Variants in NBAS observed in about 807,000 individuals in gnomAD.
The protein encoded by NBAS is NBAS subunit of NRZ tethering complex, also known as NAG/BC035112 fusion.
NBAS carries 219 observed loss-of-function variants against 302.5 expected under a neutral mutation model. The ratio of observed to expected loss-of-function variants is 0.72; its 90% confidence interval spans 0.65 to 0.81. NBAS has a LOEUF of 0.81. Among genes scored for constraint, NBAS ranks in the 30% least tolerant of loss-of-function variants. The probability of loss-of-function intolerance (pLI) is 0.00; values close to 1 mark genes in which losing one functional copy is unlikely to be tolerated. For synonymous variants in NBAS, 1,118 were observed against 1,021.6 expected (o/e 1.09, Z -1.80); for missense variants, 2,932 against 2,841.6 (o/e 1.03, Z -0.72).
chr2:15,264,046 T>C (rs560454313), intron 44 of NBAS, among the ~76,000 whole-genome samples: 4 of 152,248 alleles, frequency 2.6e-5, no homozygotes, highest in African/African-American at 9.6e-5. Context: ...GAAAGGTACT[T>C]AAATGAGAGG....
At chr2:15,139,976 C>T in the NBAS span, among the ~76,000 whole-genome samples, 45 of 152,280 alleles carry the variant, frequency 3.0e-4, no homozygotes, top group Non-Finnish European at 3.7e-4. Context: ...TTTCCCTCCC[C>T]ATAAATGTGG....
At chr2:15,156,628 C>T in the NBAS span, among the ~76,000 whole-genome samples, 5 of 152,262 alleles carry the variant, frequency 3.3e-5, no homozygotes, top group East Asian at 9.7e-4. Context: ...GCTCCATTCA[C>T]GTGACCTAAC....
chr2:14,906,182 C>T, the NBAS span, among the ~76,000 whole-genome samples: 333 of 152,244 alleles, frequency 2.2e-3, 2 homozygotes, highest in African/African-American at 7.5e-3. Flanking sequence ...CAGCAGCCAC[C>T]GCCACAGCAG....
At chr2:15,123,488 C>T in the NBAS span, among the ~76,000 whole-genome samples, 29 of 152,232 alleles carry the variant, frequency 1.9e-4, no homozygotes, top group East Asian at 5.4e-3. Context: ...ACTAAAGGAA[C>T]ATTTGTGGTT....
intron 47 of NBAS, among the ~76,000 whole-genome samples, chr2:15,222,809 G>A (rs185468995): frequency 1.7e-4 from 26 of 152,280 alleles, no homozygotes; most frequent in Middle Eastern, 3.4e-3. Flanking sequence ...AGAACAGTGT[G>A]GCAGTGGATT....
the NBAS span, among the ~76,000 whole-genome samples, chr2:14,858,219 G>A: frequency 3.3e-5 from 5 of 152,036 alleles, no homozygotes; most frequent in Non-Finnish European, 7.4e-5. Flanking sequence ...GTGGGAATGT[G>A]AATTAGTACA....
At chr2:15,174,587 G>C (rs1347915878) in intron 51 of NBAS, among the ~76,000 whole-genome samples, 1 of 152,204 alleles carries the variant, frequency 6.6e-6, no homozygotes, top group Non-Finnish European at 1.5e-5. Context: ...TGTTGGGGTA[G>C]GTCTGCTCTA....
intron 12 of NBAS, 115 bp downstream of exon 12, chr2:15,488,779 T>G: frequency 7.4e-7 from 1 of 1,346,532 alleles, no homozygotes; most frequent in Non-Finnish European, 1.0e-6. Flanking sequence ...ATAGAAGAGC[T>G]TTGGAACGAT....
intron 9 of NBAS, among the ~76,000 whole-genome samples, chr2:15,531,997 C>T (rs576599763): frequency 1.7e-3 from 263 of 152,002 alleles, no homozygotes; most frequent in Admixed American, 2.8e-3. Flanking sequence ...AAAAGTTCCA[C>T]GAGGAAGATA....
intron 2 of NBAS, 104 bp downstream of exon 2, chr2:15,558,476 T>C (rs1430403953): frequency 5.3e-5 from 41 of 772,414 alleles, no homozygotes; most frequent in Non-Finnish European, 8.1e-5. Context: ...ATAATTAAAC[T>C]CAGATAACAC....
At chr2:15,345,959 A>G (rs897943242) in intron 35 of NBAS, among the ~76,000 whole-genome samples, 12 of 152,218 alleles carry the variant, frequency 7.9e-5, no homozygotes, top group Non-Finnish European at 1.3e-4. Flanking sequence ...CCATATGAGG[A>G]AAACTGAAAC....
chr2:15,367,625 GC>G (rs1488857948), intron 31 of NBAS, among the ~76,000 whole-genome samples: 1 of 152,172 alleles, frequency 6.6e-6, no homozygotes, highest in Non-Finnish European at 1.5e-5. Context: ...AACCCAGCTC[GC>G]TAAATGTTTT....
At chr2:15,543,155 T>A (rs1342228285) in intron 6 of NBAS, among the ~76,000 whole-genome samples, 1 of 152,222 alleles carries the variant, frequency 6.6e-6, no homozygotes, top group Non-Finnish European at 1.5e-5. Context: ...GACACATGCA[T>A]GGTGAAATCA....
At chr2:14,906,645 G>T in the NBAS span, among the ~76,000 whole-genome samples, 1 of 152,186 alleles carries the variant, frequency 6.6e-6, no homozygotes, top group Admixed American at 6.5e-5. Flanking sequence ...AGCCCTGGGG[G>T]TGGCATGGGC....
At chr2:15,399,404 T>C (rs569181670) in intron 26 of NBAS, among the ~76,000 whole-genome samples, 102 of 152,244 alleles carry the variant, frequency 6.7e-4, no homozygotes, top group African/African-American at 2.4e-3. Context: ...AGCCTTTGGG[T>C]TGAGGTTTTT....
At chr2:15,400,941 A>T (rs891128600) in intron 26 of NBAS, among the ~76,000 whole-genome samples, 3 of 152,328 alleles carry the variant, frequency 2.0e-5, no homozygotes, top group South Asian at 4.1e-4. Flanking sequence ...ACTGCAAATT[A>T]GAAGTTCAAC....
chr2:15,435,069 T>C lies in NBAS; in HGVS notation c.2340-7275A>G, dbSNP rs573600542. On this transcript the variant is annotated intron_variant, in intron 21 of 51. Coordinates refer to ENST00000281513, the MANE Select transcript of NBAS (RefSeq NM_015909.4). ...CACTTCCAGAACAAAGATAAAAATATATGACATTTAAATTTATCAATTACA... is the reference window on the plus strand; with the variant it reads ...CACTTCCAGAACAAAGATAAAAATACATGACATTTAAATTTATCAATTACA... Among the ~76,000 whole-genome samples, 6 of 152,270 alleles carry C rather than the reference T, an allele frequency of 3.9e-5. No homozygotes were observed. The South Asian group carries it at 8.3e-4, about 21-fold the overall frequency.
chr2:14,985,001 C>T, the NBAS span, among the ~76,000 whole-genome samples: 72 of 152,126 alleles, frequency 4.7e-4, no homozygotes, highest in African/African-American at 1.7e-3. Context: ...CTCAGGATGG[C>T]GGCCCAAGTT....
chr2:15,475,753 G>T lies in NBAS; in HGVS notation c.1275C>A (p.Ser425=). The part of the protein sequence containing the change: ...VKTLKNLLGK[S]CEWFEPSPQV... ...GAGGTGATGGTTCAAACCATTCACAGGATTTTCCCAGTAAATTCTTCAAAG... is the reference window on the plus strand; with the variant it reads ...GAGGTGATGGTTCAAACCATTCACATGATTTTCCCAGTAAATTCTTCAAAG... Residue 425 remains serine (S), a synonymous_variant, in exon 14 of 52, where the codon TCC becomes TCA. Coordinates refer to ENST00000281513, the MANE Select transcript of NBAS (RefSeq NM_015909.4). 2 of 1,614,088 alleles carry T rather than the reference G, an allele frequency of 1.2e-6. No homozygotes were observed. The highest frequency in any genetic ancestry group is 1.7e-6 in the Non-Finnish European group (2 of 1,179,986).
Sources: gnomAD v4.1 joint callset for allele counts (sites outside exome capture counted in the v4.1 genomes callset) on GRCh38, gnomAD v4.1.1 for gene constraint, MANE v1.5 for transcripts, NCBI Gene and HGNC (gene_info 2026-07-23, HGNC 2026-07-21) for gene names.